The following PHLPP1 variants were observed in gnomAD, a reference collection of about 807,000 sequenced individuals.
The protein encoded by PHLPP1 is PH domain and leucine rich repeat protein phosphatase 1.
Under a neutral mutation model 117.2 loss-of-function variants are expected in PHLPP1, and 42 were observed. That is an observed-to-expected ratio of 0.36 (90% CI 0.28 to 0.46). The LOEUF is 0.46. PHLPP1 is among the 20% of genes least tolerant of loss of function. The pLI, the probability that PHLPP1 is intolerant of heterozygous loss-of-function variation, is 1.00. For missense variants in PHLPP1, 2,084 were observed against 2,241.9 expected (o/e 0.93, Z 1.42); for synonymous variants, 1,042 against 970.7 (o/e 1.07, Z -1.37).
chr18:62,930,135 C>A (rs1909763302), intron 10 of PHLPP1, among the ~76,000 whole-genome samples: 1 of 152,044 alleles, frequency 6.6e-6, no homozygotes, highest in Admixed American at 6.6e-5. Flanking sequence ...TTTAATAAGA[C>A]ATAAGTACAA....
rs1171120794 is a variant in PHLPP1 at position 62,716,242 on chromosome 18, C to T, written c.559C>T (p.Leu187=). 2 of 1,529,624 alleles carry T rather than the reference C, an allele frequency of 1.3e-6. No homozygotes were observed. Among genetic ancestry groups the T allele is most frequent in the Admixed American group, 4.0e-5 (2 of 50,474 alleles). 94.8% of individuals were successfully genotyped at this position (1,529,624 alleles called of 1,614,324 possible). A position where few individuals can be genotyped will look rare whatever the true frequency, so the allele number is the denominator to read the frequency against. ...TCTGAAGCACCGGCAGACGCTGCAG[C>T]TGCAGCCGTCGGACCGGGACTGGGT... The part of the protein sequence containing the change: ...LLLKHRQTLQ[L]QPSDRDWVRH... The change falls in exon 1 of 17, where the codon CTG becomes TTG. Residue 187 remains leucine (L), a synonymous_variant. Transcript: ENST00000262719. The surrounding 1 kb of genome is among the most constrained non-coding windows in gnomAD (Gnocchi z 5.7).
rs1160044939 is a variant in PHLPP1 at position 62,846,079 on chromosome 18, G to A, written c.1899+7170G>A. Among the ~76,000 whole-genome samples the A allele has an allele frequency of 2.0e-5, 3 of 151,850 alleles. No individual in the cohort carries two copies. In the East Asian group the frequency reaches 5.8e-4, roughly 29 times the overall value. On this transcript the variant is annotated intron_variant, in intron 3 of 16. Transcript: ENST00000262719. The stretch of plus-strand genomic sequence containing the variant: ...AAAAAATTAGCCAGGCATGGTGGCA[G>A]GTGCCTGTAATCCCAGCTACCCGGG...
At chr18:62,918,434 A>G (rs965494234) in intron 9 of PHLPP1, among the ~76,000 whole-genome samples, 3 of 149,402 alleles carry the variant, frequency 2.0e-5, no homozygotes, top group Non-Finnish European at 4.5e-5. Flanking sequence ...GGATAAATAT[A>G]TATATATATA....
At chr18:62,919,618 C>G (rs1287804952) in intron 9 of PHLPP1, among the ~76,000 whole-genome samples, 1 of 152,224 alleles carries the variant, frequency 6.6e-6, no homozygotes, top group Non-Finnish European at 1.5e-5. Flanking sequence ...ACCCAGCATT[C>G]TGGGACAATA....
chr18:62,933,898 C>T (rs889276008), intron 10 of PHLPP1, among the ~76,000 whole-genome samples: 2 of 151,788 alleles, frequency 1.3e-5, no homozygotes, highest in African/African-American at 4.8e-5. Context: ...AAGAAACAAC[C>T]CCATTAAAAA....
At position 62,895,656 on chromosome 18, in the gene PHLPP1, T is replaced by TA. The variant is rs2144399029; in HGVS notation, c.2214-124dup. 3 of 649,532 alleles carry TA rather than the reference T, an allele frequency of 4.6e-6. No individual in the cohort carries two copies. The East Asian group carries it at 7.9e-5, about 17-fold the overall frequency. 40.2% of individuals were successfully genotyped at this position (649,532 alleles called of 1,614,324 possible). ...CCATTATTGCCTCAGGCCCTGCCCT[T>TA]AGGCATTTTGCGAAGAATAATACAT... On this transcript the variant is annotated intron_variant, in intron 5 of 16. Coordinates refer to ENST00000262719, the MANE Select transcript of PHLPP1 (RefSeq NM_194449.4).
chr18:62,914,907 A>G lies in PHLPP1; in HGVS notation c.2709-6A>G, dbSNP rs756613342. The G allele has an allele frequency of 2.1e-5, 34 of 1,609,864 alleles. No homozygotes were observed. Among genetic ancestry groups the G allele is most frequent in the Non-Finnish European group, 5.1e-6 (6 of 1,176,902 alleles). ...CAACCAATTACTTTTATGTTCTTGC[A>G]TTTAGGAACCGCTTAGAAAATGTGC... On this transcript the variant is annotated splice_polypyrimidine_tract_variant and splice_region_variant and intron_variant, in intron 8 of 16. Coordinates refer to ENST00000262719, the MANE Select transcript of PHLPP1 (RefSeq NM_194449.4).
chr18:62,849,797 CAAAAAAAAAAAAAAAAA>C (rs1159265423), intron 3 of PHLPP1, among the ~76,000 whole-genome samples: 3 of 7,392 alleles, frequency 4.1e-4, no homozygotes, highest in African/African-American at 1.1e-3. Context: ...CCTGTCTCTA[CAAAAAAAAAAAAAAAAA>C]AAAAAAAAAA....
At position 62,963,685 on chromosome 18, in the gene PHLPP1, A is replaced by AG. The variant is rs1910827633; in HGVS notation, c.3560+214dup. On this transcript the variant is annotated intron_variant, in intron 14 of 16. Coordinates refer to ENST00000262719, the MANE Select transcript of PHLPP1 (RefSeq NM_194449.4). ...GAATCACATAGTCTCCCTTAGTAGGAGACGTTGCTAGGATACAAGGTAACT... is the reference window on the plus strand; with the variant it reads ...GAATCACATAGTCTCCCTTAGTAGGAGGACGTTGCTAGGATACAAGGTAACT... Among the ~76,000 whole-genome samples, 5 of 152,322 alleles carry AG rather than the reference A, an allele frequency of 3.3e-5. No homozygotes were observed. The South Asian group carries it at 1.0e-3, about 32-fold the overall frequency.
At chr18:62,812,309 C>A (rs1174702262) in intron 1 of PHLPP1, among the ~76,000 whole-genome samples, 1 of 152,106 alleles carries the variant, frequency 6.6e-6, no homozygotes, top group African/African-American at 2.4e-5. Flanking sequence ...AGAAGAAACA[C>A]CACAGCACTC....
chr18:62,912,979 C>T (rs1917000139), intron 8 of PHLPP1, among the ~76,000 whole-genome samples: 1 of 152,172 alleles, frequency 6.6e-6, no homozygotes, highest in African/African-American at 2.4e-5. Context: ...ACAGTGTAAT[C>T]AGCAAATGGT....
chr18:62,923,507 AG>A (rs946350905), intron 10 of PHLPP1, among the ~76,000 whole-genome samples: 58 of 152,244 alleles, frequency 3.8e-4, no homozygotes, highest in African/African-American at 1.3e-3. Context: ...GATTATGTGA[AG>A]GGGGTGGGAT....
chr18:62,875,654 CA>C (rs1286160713), intron 4 of PHLPP1, among the ~76,000 whole-genome samples: 1 of 151,606 alleles, frequency 6.6e-6, no homozygotes, highest in African/African-American at 2.4e-5. Context: ...TTTATTCATT[CA>C]ATTTTATGTA....
intron 14 of PHLPP1, among the ~76,000 whole-genome samples, chr18:62,970,890 G>T (rs1365071459): frequency 6.6e-6 from 1 of 152,164 alleles, no homozygotes; most frequent in East Asian, 1.9e-4. Context: ...GTGCCTCAAG[G>T]ATTTCCTTTT....
At chr18:62,921,444 C>T (rs1021062100) in intron 10 of PHLPP1, among the ~76,000 whole-genome samples, 2 of 152,114 alleles carry the variant, frequency 1.3e-5, no homozygotes, top group African/African-American at 4.8e-5. Context: ...ATTAGATTTC[C>T]CACTGCATGT....
chr18:62,824,131 C>CAAAA (rs34639796), intron 1 of PHLPP1: 12 of 347,026 alleles, frequency 3.5e-5, no homozygotes, highest in East Asian at 8.9e-5. Context: ...AACTCCGTCT[C>CAAAA]AAAAAAAAAA....
At chr18:62,845,876 A>C (rs1420075295) in intron 3 of PHLPP1, among the ~76,000 whole-genome samples, 4 of 152,136 alleles carry the variant, frequency 2.6e-5, no homozygotes, top group African/African-American at 9.7e-5. Context: ...TGGATGAAGA[A>C]TCAAGGGCCC....
intron 1 of PHLPP1, among the ~76,000 whole-genome samples, chr18:62,743,588 AAC>A (rs998781175): frequency 6.6e-6 from 1 of 152,214 alleles, no homozygotes; most frequent in Non-Finnish European, 1.5e-5. Flanking sequence ...CTTAAAAATT[AAC>A]ACTAATTCCT....
At chr18:62,958,470 G>A (rs564259473) in intron 12 of PHLPP1, among the ~76,000 whole-genome samples, 159 bp from the exon 13 acceptor site, 3 of 152,256 alleles carry the variant, frequency 2.0e-5, no homozygotes, top group Admixed American at 1.3e-4. Context: ...TATTTTAAAT[G>A]TTTATGGCAA....
Sources: gnomAD v4.1 joint callset for allele counts (sites outside exome capture counted in the v4.1 genomes callset) on GRCh38, gnomAD v4.1.1 for gene constraint, Gnocchi (gnomAD v3.1) non-coding constraint, MANE v1.5 for transcripts, NCBI Gene and HGNC (gene_info 2026-07-23, HGNC 2026-07-21) for gene names.